PLEKHG2: variants seen among roughly 807,000 people sequenced by gnomAD.
PLEKHG2 encodes pleckstrin homology domain-containing family G member 2.
PLEKHG2 carries 71 observed loss-of-function variants against 104.4 expected under a neutral mutation model. The observed-to-expected ratio is 0.68, with a 90% CI of 0.56 to 0.83. The LOEUF (loss-of-function observed/expected upper bound fraction) is 0.83. Among genes scored for constraint, PLEKHG2 ranks in the 40% least tolerant of loss-of-function variants. The pLI, the probability that PLEKHG2 is intolerant of heterozygous loss-of-function variation, is 0.00. For synonymous variants in PLEKHG2, 728 were observed against 737.0 expected, an observed-to-expected ratio of 0.99 and a Z score of 0.20; for missense variants, 1,730 against 1,809.4, an observed-to-expected ratio of 0.96 and a Z score of 0.80.
rs1287843353 is a variant in PLEKHG2 at position 39,420,739 on chromosome 19, C to T, written c.1298-12C>T. The T allele has an allele frequency of 6.2e-7, 1 of 1,614,132 alleles. No homozygotes were observed. The highest frequency in any genetic ancestry group is 8.5e-7 in the Non-Finnish European group (1 of 1,180,016). ...AAAAAGTTGGCTTTTAGCCCCAAAA[C>T]TCTCCCCACAGGTGCCCCCAAAAGT... On this transcript the variant is annotated splice_polypyrimidine_tract_variant and intron_variant, in intron 12 of 18. Coordinates refer to ENST00000425673, the MANE Select transcript of PLEKHG2 (RefSeq NM_022835.3).
chr19:39,421,326 G>A (rs1459513459), intron 16 of PLEKHG2, 27 bp downstream of exon 16: 3 of 1,611,020 alleles, frequency 1.9e-6, no homozygotes, highest in Non-Finnish European at 2.5e-6. Flanking sequence ...GATAGGGTCT[G>A]GGCACCTTGA....
Position 39,424,977 on chromosome 19 carries a change from G to T in PLEKHG2, c.3844G>T (p.Ala1282Ser). 9.9e-6 allele frequency: 16 copies of T among 1,613,850 alleles called. No individual in the cohort carries two copies. Among genetic ancestry groups the T allele is most frequent in the Non-Finnish European group, 1.4e-5 (16 of 1,179,856 alleles). Reference sequence around the variant, plus strand: ...TGCAGCTGCCCTCTCCAGATACCTGGCAGCCTCATATATCAGCCAGAGCCT... The same window carrying T: ...TGCAGCTGCCCTCTCCAGATACCTGTCAGCCTCATATATCAGCCAGAGCCT... ...PNAAALSRYLAASYISQSLAR... is the reference protein window; with the variant it reads ...PNAAALSRYLSASYISQSLAR... Residue 1282 changes from alanine to serine, a missense_variant, in exon 19 of 19, where the codon GCA becomes TCA. Transcript: ENST00000425673.
chr19:39,425,145 A>T lies in PLEKHG2; in HGVS notation c.4012A>T (p.Thr1338Ser). 1.3e-6 allele frequency: 2 copies of T among 1,591,370 alleles called. No homozygotes were observed. Among genetic ancestry groups the T allele is most frequent in the South Asian group, 1.1e-5 (1 of 88,144 alleles). ...AGCCAGGCGGCTCAGCTATGCCACG[A>T]CGGTTAACATCCACGTGGGCGGGGG... is the stretch of plus-strand genomic sequence containing the variant. ...PPARRLSYAT[T>S]VNIHVGGGGR... is the part of the protein sequence containing the mutation. Residue 1338 changes from threonine (T) to serine (S), a missense_variant, in exon 19 of 19, where the codon ACG becomes TCG. Transcript: ENST00000425673.
intron 16 of PLEKHG2, chr19:39,421,579 T>C: frequency 4.1e-6 from 2 of 489,370 alleles, no homozygotes; most frequent in South Asian, 4.2e-5. Flanking sequence ...TCCCAGCTAC[T>C]CAGGAGACTG....
rs749707691 is a variant in PLEKHG2, at chr19:39,423,829, T to G, written c.2696T>G (p.Val899Gly). 1 of 1,614,064 alleles carries G rather than the reference T, an allele frequency of 6.2e-7. No homozygotes were observed. Among genetic ancestry groups the G allele is most frequent in the Non-Finnish European group, 8.5e-7 (1 of 1,180,010 alleles). Residue 899 changes from valine (V) to glycine (G), a missense_variant, in exon 19 of 19, where the codon GTT (valine) becomes GGT (glycine). Val to Gly is a moderately radical substitution (Grantham distance 109, BLOSUM62 -3). Transcript: ENST00000425673. Reference protein sequence around the residue: ...ESVPLGPAVWVQAAIPLSKQG... With the variant: ...ESVPLGPAVWGQAAIPLSKQG... Reference sequence around the variant, plus strand: ...GTCCCCCTGGGTCCTGCTGTCTGGGTTCAAGCTGCCATACCTTTGTCAAAG... The same window carrying G: ...GTCCCCCTGGGTCCTGCTGTCTGGGGTCAAGCTGCCATACCTTTGTCAAAG...
intron 11 of PLEKHG2, 141 bp from the exon 12 acceptor site, chr19:39,420,485 C>T: frequency 1.0e-6 from 1 of 1,004,624 alleles, no homozygotes; most frequent in East Asian, 2.4e-5. Flanking sequence ...GATTGCACCA[C>T]TGTACTCCAA....
chr19:39,417,189 G>C (rs2078619950), intron 7 of PLEKHG2, among the ~76,000 whole-genome samples, 189 bp downstream of exon 7: 1 of 147,850 alleles, frequency 6.8e-6, no homozygotes, highest in Non-Finnish European at 1.5e-5. Flanking sequence ...TTTCACTCTT[G>C]TCGATGAGGC....
chr19:39,414,251 C>A, intron 2 of PLEKHG2, 56 bp downstream of exon 2: 2 of 1,490,734 alleles, frequency 1.3e-6, no homozygotes, highest in South Asian at 2.4e-5. Context: ...CTTGGCAATG[C>A]TGTCAAGGCA....
At chr19:39,421,899 C>A (rs951584985) in intron 16 of PLEKHG2, 3 of 391,292 alleles carry the variant, frequency 7.7e-6, no homozygotes, top group Non-Finnish European at 1.3e-5. Flanking sequence ...CGCCTGTAAT[C>A]CCAGCTACTC....
Position 39,422,269 on chromosome 19 carries a change from G to A in PLEKHG2, c.1658G>A (p.Arg553Gln), listed in dbSNP as rs757310673. Residue 553 changes from arginine (R) to glutamine (Q), a missense_variant, in exon 17 of 19, where the codon CGA becomes CAA. Coordinates refer to ENST00000425673, the MANE Select transcript of PLEKHG2 (RefSeq NM_022835.3). ...TEEILELLNQ[R>Q]GLRDPGPSTH... The stretch of plus-strand genomic sequence containing the variant: ...GAAATCCTGGAACTGCTGAATCAGC[G>A]AGGCCTTCGAGATCCAGGGGTGAGC... 122 of 1,611,920 alleles carry A rather than the reference G, an allele frequency of 7.6e-5. 1 individual carries two copies. The Admixed American group carries it at 1.7e-3, about 22-fold the overall frequency.
Position 39,417,746 on chromosome 19 carries a change from T to C in PLEKHG2, c.882+54T>C, listed in dbSNP as rs2078630118. On this transcript the variant is annotated intron_variant, in intron 8 of 18. Transcript: ENST00000425673. Reference sequence around the variant, plus strand: ...GGATGAGGGAGTGAGCGAGGGGGCCTTGGGGCGGGTGGGGGGAAATCAGTG... The same window carrying C: ...GGATGAGGGAGTGAGCGAGGGGGCCCTGGGGCGGGTGGGGGGAAATCAGTG... The C allele has an allele frequency of 6.7e-6, 10 of 1,499,440 alleles. No individual in the cohort carries two copies. The South Asian group carries it at 1.1e-4, about 16-fold the overall frequency. 92.9% of individuals were successfully genotyped at this position (1,499,440 alleles called of 1,614,324 possible).
In PLEKHG2 at chr19:39,425,467, G is replaced by A; in HGVS notation, c.*173G>A. 2 of 1,009,782 alleles carry A rather than the reference G, an allele frequency of 2.0e-6. No individual in the cohort carries two copies. The highest frequency in any genetic ancestry group is 2.6e-6 in the Non-Finnish European group (2 of 763,592). The allele number at this position is 1,009,782 out of a possible 1,614,324, so 62.6% of individuals were successfully genotyped here. A position where few individuals can be genotyped will look rare whatever the true frequency, so the allele number is the denominator to read the frequency against. ...TCTTGCCTTGATCCACAGGGATGGGGAAGGGAGGAATGTCATTAATGTTTT... is the reference window on the plus strand; with the variant it reads ...TCTTGCCTTGATCCACAGGGATGGGAAAGGGAGGAATGTCATTAATGTTTT... On this transcript the variant is annotated 3_prime_UTR_variant, in exon 19 of 19. Transcript: ENST00000425673.
chr19:39,423,223 G>T lies in PLEKHG2; in HGVS notation c.2169G>T (p.Glu723Asp). The stretch of plus-strand genomic sequence containing the variant: ...GGAGCAATCCTGGGAAACTGGGAGA[G>T]CCGCCTTCAGGAGGCAAGGCAGGGC... ...FSGSNPGKLG[E>D]PPSGGKAGPE... is the part of the protein sequence containing the mutation. The change falls in exon 18 of 19, where the codon GAG (glutamate) becomes GAT (aspartate). Residue 723 changes from glutamate (E) to aspartate (D), a missense_variant. Transcript: ENST00000425673. The T allele has an allele frequency of 6.2e-7, 1 of 1,613,172 alleles. No homozygotes were observed. Among genetic ancestry groups the T allele is most frequent in the Non-Finnish European group, 8.5e-7 (1 of 1,179,202 alleles).
Position 39,414,079 on chromosome 19 carries a change from G to T in PLEKHG2, c.-8G>T, listed in dbSNP as rs746547313. On this transcript the variant is annotated 5_prime_UTR_variant, in exon 2 of 19. Coordinates refer to ENST00000425673, the MANE Select transcript of PLEKHG2 (RefSeq NM_022835.3). ...TCTTTCTGCAGGACTCTGCTGGGCCGCTCAGCCATGCCTGAGGGAGCCCAA... is the reference window on the plus strand; with the variant it reads ...TCTTTCTGCAGGACTCTGCTGGGCCTCTCAGCCATGCCTGAGGGAGCCCAA... The T allele has an allele frequency of 2.6e-6, 4 of 1,549,726 alleles. No individual in the cohort carries two copies. The highest frequency in any genetic ancestry group is 1.2e-5 in the South Asian group (1 of 84,004).
chr19:39,416,329 CCTCCCCT>C lies in PLEKHG2; in HGVS notation c.480-11_480-5del, dbSNP rs1365122995. On this transcript the variant is annotated splice_polypyrimidine_tract_variant and intron_variant, in intron 4 of 18. Transcript: ENST00000425673. The surrounding 1 kb of genome is among the most constrained non-coding windows in gnomAD (Gnocchi z 4.5). Reference sequence around the variant, plus strand: ...GTCGTGAAGGCAGGCGGTTCCTCACCCTCCCCTCTCCCCTGTAGCGAGCTCCTGGAGG... The same window carrying C: ...GTCGTGAAGGCAGGCGGTTCCTCACCCTCCCCTGTAGCGAGCTCCTGGAGG... The C allele has an allele frequency of 6.2e-7, 1 of 1,611,976 alleles. No homozygotes were observed. The highest frequency in any genetic ancestry group is 8.5e-7 in the Non-Finnish European group (1 of 1,179,438).
intron 11 of PLEKHG2, 93 bp from the exon 12 acceptor site, chr19:39,420,533 A>G: frequency 6.5e-7 from 1 of 1,529,074 alleles, no homozygotes; most frequent in Admixed American, 1.7e-5. Context: ...CAAAAACAGC[A>G]CCCATTAATG....
rs1315989632 is a variant in PLEKHG2, at chr19:39,425,209, A to G, written c.4076A>G (p.Asn1359Ser). 3.7e-5 allele frequency: 59 copies of G among 1,612,706 alleles called. No individual in the cohort carries two copies. The highest frequency in any genetic ancestry group is 4.8e-5 in the Non-Finnish European group (57 of 1,179,832). The change falls in exon 19 of 19, where the codon AAC (asparagine) becomes AGC (serine). Residue 1359 changes from asparagine to serine, a missense_variant. Transcript: ENST00000425673. ...CCAGCCAAGGCCCAGGTCCGGTTGA[A>G]CCACCCTGCTCTCTTGGCCTCCACA... ...LRPAKAQVRL[N>S]HPALLASTQE...
At position 39,421,385 on chromosome 19, in the gene PLEKHG2, T is replaced by A. The variant is rs796170071; in HGVS notation, c.1503+86T>A. The A allele has an allele frequency of 9.7e-6, 14 of 1,436,436 alleles. No homozygotes were observed. In the African/African-American group the frequency reaches 2.0e-4, roughly 20 times the overall value. 89.0% of individuals were successfully genotyped at this position (1,436,436 alleles called of 1,614,324 possible). A position where few individuals can be genotyped will look rare whatever the true frequency, so the allele number is the denominator to read the frequency against. Reference sequence around the variant, plus strand: ...AGCTTGAGTTCCAAAATCCTGGGTCTGAATGAGAAGGGGATTGGGGCCAGA... The same window carrying A: ...AGCTTGAGTTCCAAAATCCTGGGTCAGAATGAGAAGGGGATTGGGGCCAGA... On this transcript the variant is annotated intron_variant, in intron 16 of 18. Coordinates refer to ENST00000425673, the MANE Select transcript of PLEKHG2 (RefSeq NM_022835.3).
At position 39,415,382 on chromosome 19, in the gene PLEKHG2, G is replaced by C; in HGVS notation, c.422G>C (p.Ser141Thr). The change falls in exon 4 of 19, where the codon AGC becomes ACC. Residue 141 changes from serine to threonine, a missense_variant. Transcript: ENST00000425673. The surrounding 1 kb of genome is among the most constrained non-coding windows in gnomAD (Gnocchi z 4.6). ...PLLDGGVLGLSVEQVGTLFAN... is the reference protein window; with the variant it reads ...PLLDGGVLGLTVEQVGTLFAN... ...CTGGACGGCGGGGTCCTGGGGCTGAGCGTGGAGCAGGTGGGCACGCTGTTT... is the reference window on the plus strand; with the variant it reads ...CTGGACGGCGGGGTCCTGGGGCTGACCGTGGAGCAGGTGGGCACGCTGTTT... The C allele has an allele frequency of 6.2e-7, 1 of 1,614,170 alleles. No individual in the cohort carries two copies. Among genetic ancestry groups the C allele is most frequent in the Non-Finnish European group, 8.5e-7 (1 of 1,180,030 alleles).
Sources: gnomAD v4.1 joint callset for allele counts (sites outside exome capture counted in the v4.1 genomes callset) on GRCh38, gnomAD v4.1.1 for gene constraint, Gnocchi (gnomAD v3.1) non-coding constraint, MANE v1.5 for transcripts, NCBI Gene and HGNC (gene_info 2026-07-23, HGNC 2026-07-21) for gene names.